ERAP1: variants seen among roughly 807,000 people sequenced by gnomAD.
ERAP1 encodes endoplasmic reticulum aminopeptidase 1.
ERAP1 carries 86 observed loss-of-function variants against 103.7 expected under a neutral mutation model. The observed-to-expected ratio is 0.83, with a 90% CI of 0.70 to 0.99. ERAP1 has a LOEUF of 0.99. ERAP1 is among the 50% of genes least tolerant of loss of function. The pLI is 0.00. For synonymous variants in ERAP1, 398 were observed against 402.4 expected (o/e 0.99, Z 0.13); for missense variants, 1,009 against 1,128.4 (o/e 0.89, Z 1.52).
the ERAP1 span, chr5:96,895,403 T>C: frequency 1.6e-6 from 2 of 1,281,960 alleles, no homozygotes; most frequent in African/African-American, 1.5e-5. Flanking sequence ...GTGTAAAGAA[T>C]CATCAATTCA....
upstream of ERAP1, among the ~76,000 whole-genome samples, chr5:96,812,252 G>A (rs1308613969): frequency 1.3e-5 from 2 of 152,126 alleles, no homozygotes; most frequent in Non-Finnish European, 1.5e-5. Flanking sequence ...AAGTGTCATA[G>A]TCAGTAAAGC....
the ERAP1 span, among the ~76,000 whole-genome samples, chr5:96,828,764 G>C: frequency 6.6e-6 from 1 of 152,014 alleles, no homozygotes; most frequent in Non-Finnish European, 1.5e-5. Flanking sequence ...TCTGGAGAAG[G>C]TCAGAAAAAA....
At chr5:96,816,183 A>G in the ERAP1 span, among the ~76,000 whole-genome samples, 122 of 152,350 alleles carry the variant, frequency 8.0e-4, no homozygotes, top group African/African-American at 2.7e-3. Flanking sequence ...GAGGGAAGAA[A>G]GGTAGACAGA....
intron 2 of ERAP1, among the ~76,000 whole-genome samples, chr5:96,802,456 C>G (rs1238725183): frequency 6.6e-6 from 1 of 152,030 alleles, no homozygotes; most frequent in Non-Finnish European, 1.5e-5. Flanking sequence ...AAGTAGTGGT[C>G]AGTTCAGGGG....
chr5:96,787,020 C>T (rs1408063983), intron 11 of ERAP1, among the ~76,000 whole-genome samples: 1 of 151,884 alleles, frequency 6.6e-6, no homozygotes, highest in Non-Finnish European at 1.5e-5. Context: ...TATCGAGAAG[C>T]CCAAAAAAGA....
intron 1 of ERAP1, 118 bp downstream of exon 1, chr5:96,807,742 C>T (rs1778811245): frequency 1.5e-6 from 1 of 683,990 alleles, no homozygotes; most frequent in South Asian, 6.3e-5. Context: ...CGTGCCCCGT[C>T]TCCCTCCTCC....
the ERAP1 span, among the ~76,000 whole-genome samples, chr5:96,892,884 G>A: frequency 6.6e-6 from 1 of 152,140 alleles, no homozygotes; most frequent in African/African-American, 2.4e-5. Context: ...TGGCCATAAT[G>A]AAATACTTCA....
At chr5:96,765,251 G>C (rs754232012) in intron 19 of ERAP1, 1 of 1,602,072 alleles carries the variant, frequency 6.2e-7, no homozygotes, top group South Asian at 1.1e-5. Flanking sequence ...TGATGCCTTG[G>C]ATAAACTCTC....
chr5:96,862,179 A>G, the ERAP1 span, among the ~76,000 whole-genome samples: 4 of 152,066 alleles, frequency 2.6e-5, no homozygotes, highest in Non-Finnish European at 5.9e-5. Context: ...TTTTGTAGAG[A>G]TGGGATCTTC....
At chr5:96,911,949 G>A in the ERAP1 span, among the ~76,000 whole-genome samples, 1 of 150,962 alleles carries the variant, frequency 6.6e-6, no homozygotes, top group Non-Finnish European at 1.5e-5. Flanking sequence ...CAGCACTTTG[G>A]GAGGCTGAGG....
the ERAP1 span, among the ~76,000 whole-genome samples, chr5:96,885,717 G>A: frequency 7.2e-4 from 110 of 152,110 alleles, no homozygotes; most frequent in African/African-American, 2.5e-3. Context: ...GGAAGAGCCT[G>A]TCTAGGAGTT....
At chr5:96,881,671 T>C in the ERAP1 span, among the ~76,000 whole-genome samples, 1 of 152,170 alleles carries the variant, frequency 6.6e-6, no homozygotes, top group Non-Finnish European at 1.5e-5. Flanking sequence ...GCTCCTTCTG[T>C]CTTTCTGCTC....
chr5:96,772,898 T>C (rs1028344206), downstream of ERAP1: 4 of 153,748 alleles, frequency 2.6e-5, no homozygotes, highest in Non-Finnish European at 4.4e-5. Context: ...GTAAGAAATA[T>C]ATTTGATAAA....
In ERAP1 at chr5:96,793,857, A is replaced by G. The variant is rs1244966210; in HGVS notation, c.1020T>C (p.Ser340=). The G allele has an allele frequency of 8.7e-6, 14 of 1,614,082 alleles. No homozygotes were observed. Among genetic ancestry groups the G allele is most frequent in the Non-Finnish European group, 1.2e-5 (14 of 1,180,008 alleles). ...SALLFDAEKS[S]ASSKLGITMT... The stretch of plus-strand genomic sequence containing the variant: ...TTGTGATGCCAAGCTTACTTGATGC[A>G]GAAGACTTTTCTGCATCAAACAACA... The change falls in exon 6 of 19, where the codon TCT becomes TCC. Residue 340 remains serine (S), a synonymous_variant. Coordinates refer to ENST00000443439, the MANE Select transcript of ERAP1 (RefSeq NM_001040458.3).
At chr5:96,911,322 G>GT in the ERAP1 span, among the ~76,000 whole-genome samples, 1 of 152,076 alleles carries the variant, frequency 6.6e-6, no homozygotes, top group Non-Finnish European at 1.5e-5. Context: ...TCTGTGTTGT[G>GT]TTTTTTCTGA....
the ERAP1 span, among the ~76,000 whole-genome samples, chr5:96,913,053 T>G: frequency 6.6e-6 from 1 of 152,190 alleles, no homozygotes; most frequent in Admixed American, 6.5e-5. Context: ...GAAAAATTAT[T>G]GTTGTAAAAA....
At chr5:96,883,671 T>C in the ERAP1 span, 19 of 939,180 alleles carry the variant, frequency 2.0e-5, no homozygotes, top group Non-Finnish European at 3.0e-5. Flanking sequence ...TCACAAAGAT[T>C]GCAGTTTGAG....
chr5:96,781,212 G>T lies in ERAP1; in HGVS notation c.2448-14C>A. The T allele has an allele frequency of 6.2e-7, 1 of 1,610,396 alleles. No individual in the cohort carries two copies. The highest frequency in any genetic ancestry group is 1.1e-5 in the South Asian group (1 of 90,886). The stretch of plus-strand genomic sequence containing the variant: ...TCATCTAGTAGCCTAGAAGGATTAA[G>T]AAAAGAAATGTTAGCAATGAATAGG... On this transcript the variant is annotated splice_polypyrimidine_tract_variant and intron_variant, in intron 16 of 18. Transcript: ENST00000443439.
downstream of ERAP1, chr5:96,771,745 C>T (rs1422826006): frequency 3.2e-6 from 4 of 1,249,102 alleles, no homozygotes; most frequent in Non-Finnish European, 4.7e-6. Context: ...ACTGTATCTT[C>T]TGCCAATTTA....
Sources: allele counts gnomAD v4.1 joint callset (sites outside exome capture counted in the v4.1 genomes callset), GRCh38; gene constraint gnomAD v4.1.1; transcripts MANE v1.5; gene names NCBI Gene and HGNC (gene_info 2026-07-23, HGNC 2026-07-21).